Variants in FAM149A observed in about 807,000 individuals in gnomAD.
FAM149A encodes protein FAM149A.
In FAM149A, 71 loss-of-function variants were observed where a neutral mutation model predicts 78.2. That is an observed-to-expected ratio of 0.91 (90% confidence interval 0.75 to 1.11). The LOEUF is 1.11. Among genes scored for constraint, FAM149A ranks in the 50% least tolerant of loss-of-function variants. The probability of loss-of-function intolerance (pLI) is 0.00; values close to 1 mark genes in which losing one functional copy is unlikely to be tolerated. For missense variants in FAM149A, 1,036 were observed against 971.0 expected (o/e 1.07, Z -0.89); for synonymous variants, 446 against 410.5 (o/e 1.09, Z -1.04).
At chr4:186,136,950 C>CTCTCTCTT (rs1561396169) in intron 1 of FAM149A, among the ~76,000 whole-genome samples, 60 of 125,836 alleles carry the variant, frequency 4.8e-4, no homozygotes, top group African/African-American at 7.0e-4. Context: ...CTCTCTCTCT[C>CTCTCTCTT]TCTCTCTCTC....
chr4:186,171,363 C>T (rs1437628737), intron 13 of FAM149A: 3 of 152,184 alleles, frequency 2.0e-5, no homozygotes, highest in East Asian at 1.9e-4. Context: ...CAGAAGTGAT[C>T]GAGGGTCCAT....
At chr4:186,106,264 T>C (rs1441912419) in intron 1 of FAM149A, among the ~76,000 whole-genome samples, 1 of 152,168 alleles carries the variant, frequency 6.6e-6, no homozygotes, top group Non-Finnish European at 1.5e-5. Context: ...GTTGACTTCA[T>C]GGGAACATTT....
At chr4:186,153,560 A>C in intron 4 of FAM149A, 85 bp from the exon 5 acceptor site, 1 of 1,541,352 alleles carries the variant, frequency 6.5e-7, no homozygotes. Flanking sequence ...ATGCCTTCAA[A>C]ATCATTGTCT....
chr4:186,117,646 T>G, intron 1 of FAM149A: 1 of 985,298 alleles, frequency 1.0e-6, no homozygotes, highest in Non-Finnish European at 1.2e-6. Context: ...GGAGCACAGC[T>G]GTTGTGAAAA....
chr4:186,148,290 A>G (rs559392845), intron 1 of FAM149A, among the ~76,000 whole-genome samples: 1 of 152,318 alleles, frequency 6.6e-6, no homozygotes, highest in South Asian at 2.1e-4. Context: ...TCAATTAGGT[A>G]GCCTTATAAT....
chr4:186,117,915 A>T (rs1211965854), intron 1 of FAM149A: 1 of 985,232 alleles, frequency 1.0e-6, no homozygotes, highest in East Asian at 1.1e-4. Flanking sequence ...AAGCAAGAGG[A>T]AGGGCTGAAG....
intron 1 of FAM149A, among the ~76,000 whole-genome samples, chr4:186,137,004 C>CTCTCTCTT (rs2099323572): frequency 7.4e-6 from 1 of 134,960 alleles, no homozygotes; most frequent in African/African-American, 2.9e-5. Context: ...CTCTCTCTCT[C>CTCTCTCTT]TCTCTCTCTC....
rs148935735 is a variant in FAM149A at position 186,157,515 on chromosome 4, T to C, written c.1421-50T>C. On this transcript the variant is annotated intron_variant, in intron 7 of 13. Coordinates refer to ENST00000389354, the MANE Select transcript of FAM149A (RefSeq NM_001367768.3). ...TTCAAGAGTGAATTTTAAGTATTTG[T>C]ATTAGATAATCTGATGTTTCTTGTA... 98 of 1,560,628 alleles carry C rather than the reference T, an allele frequency of 6.3e-5. No individual in the cohort carries two copies. In the African/African-American group the frequency reaches 9.9e-4, roughly 16 times the overall value.
Position 186,105,183 on chromosome 4 carries a change from C to G in FAM149A, c.107C>G (p.Ala36Gly). ...TCCAGACCCTCGGGAGGTGCTGCCG[C>G]TGCAGGGTCGGGGGGCTCCAGGGCG... Residue 36 changes from alanine (A) to glycine (G), a missense_variant, in exon 1 of 14, where the codon GCT becomes GGT. Ala to Gly is a moderately conservative substitution (Grantham distance 60). This residue lies in a region of FAM149A where 316 missense variants were observed against 241.9 expected (regional missense o/e 1.31). Transcript: ENST00000389354. 7.8e-7 allele frequency: 1 copy of G among 1,275,378 alleles called. No individual in the cohort carries two copies. Among genetic ancestry groups the G allele is most frequent in the Non-Finnish European group, 1.0e-6 (1 of 982,876 alleles). 79.0% of individuals were successfully genotyped at this position (1,275,378 alleles called of 1,614,324 possible).
chr4:186,130,501 C>T (rs2099320357), intron 1 of FAM149A, among the ~76,000 whole-genome samples: 1 of 148,130 alleles, frequency 6.8e-6, no homozygotes, highest in South Asian at 2.2e-4. Context: ...TCAGCCTCCC[C>T]AGTAGCCACC....
chr4:186,170,008 C>A, intron 13 of FAM149A: 1 of 903,860 alleles, frequency 1.1e-6, no homozygotes, highest in Non-Finnish European at 1.3e-6. Flanking sequence ...CTTCAAAGTT[C>A]ATCCCCATTT....
chr4:186,157,705 C>G lies in FAM149A; in HGVS notation c.1561C>G (p.Leu521Val). 1 of 1,610,710 alleles carries G rather than the reference C, an allele frequency of 6.2e-7. No homozygotes were observed. The highest frequency in any genetic ancestry group is 8.5e-7 in the Non-Finnish European group (1 of 1,178,128). ...TCACGGCATCTCCCTGGCTTCTCGT[C>G]TGAACCCGCCCCAGGTCGGTGCTTT... The change falls in exon 8 of 14, where the codon CTG becomes GTG. Residue 521 changes from leucine (L) to valine (V), a missense_variant. Transcript: ENST00000389354.
chr4:186,159,862 T>C (rs1488209479), intron 8 of FAM149A, among the ~76,000 whole-genome samples: 5 of 151,572 alleles, frequency 3.3e-5, no homozygotes, highest in Non-Finnish European at 7.4e-5. Context: ...GTCCTAGTCC[T>C]GAGCTACACA....
chr4:186,120,511 AG>A (rs1183568731), intron 1 of FAM149A, among the ~76,000 whole-genome samples: 9 of 152,210 alleles, frequency 5.9e-5, no homozygotes, highest in African/African-American at 2.2e-4. Flanking sequence ...CACGTTAGTA[AG>A]ACCGGGCGCG....
intron 1 of FAM149A, among the ~76,000 whole-genome samples, chr4:186,118,523 T>TA (rs2099314669): frequency 6.6e-6 from 1 of 152,176 alleles, no homozygotes; most frequent in Admixed American, 6.5e-5. Context: ...AGTATTTACA[T>TA]ACAATAAATT....
At chr4:186,153,172 C>T (rs1455246463) in intron 4 of FAM149A, 1 of 754,672 alleles carries the variant, frequency 1.3e-6, no homozygotes, top group Admixed American at 6.2e-5. Flanking sequence ...TCACTGCTGT[C>T]TTACATCATT....
chr4:186,109,086 A>G (rs1323280718), intron 1 of FAM149A: 2 of 503,300 alleles, frequency 4.0e-6, no homozygotes, highest in Admixed American at 6.4e-5. Context: ...TGACCTTGTA[A>G]TTTGCCCGCC....
At chr4:186,151,733 A>G (rs2276916) in intron 3 of FAM149A, 170 bp from the exon 4 acceptor site, 248,117 of 984,142 alleles carry the variant, frequency 0.25, 32,058 homozygotes, top group Middle Eastern at 0.28. Flanking sequence ...CATTTCTCAG[A>G]AAGGTAACAG....
chr4:186,118,795 T>C (rs1033302740), intron 1 of FAM149A, among the ~76,000 whole-genome samples: 16 of 152,198 alleles, frequency 1.1e-4, no homozygotes, highest in African/African-American at 3.9e-4. Flanking sequence ...CTTTGAGCGC[T>C]GCGGTCATCG....
Sources: allele counts gnomAD v4.1 joint callset (sites outside exome capture counted in the v4.1 genomes callset), GRCh38; gene constraint gnomAD v4.1.1; regional missense constraint gnomAD v4.1.1; transcripts MANE v1.5; gene names NCBI Gene and HGNC (gene_info 2026-07-23, HGNC 2026-07-21).